BIN1: variants seen among roughly 807,000 people sequenced by gnomAD.
BIN1 encodes myc box-dependent-interacting protein 1.
Under a neutral mutation model 82.0 loss-of-function variants are expected in BIN1, and 53 were observed. That is an observed-to-expected ratio of 0.65 (90% CI 0.52 to 0.81). The LOEUF is 0.81. Among genes scored for constraint, BIN1 ranks in the 40% least tolerant of loss-of-function variants. The probability of loss-of-function intolerance (pLI) is 0.00; values close to 1 mark genes in which losing one functional copy is unlikely to be tolerated. For synonymous variants in BIN1, 302 were observed against 328.0 expected, an observed-to-expected ratio of 0.92 and a Z score of 0.86; for missense variants, 642 against 784.4, an observed-to-expected ratio of 0.82 and a Z score of 2.17.
At chr2:127,069,442 C>A (rs1685574826) in intron 5 of BIN1, among the ~76,000 whole-genome samples, 1 of 152,170 alleles carries the variant, frequency 6.6e-6, no homozygotes, top group Non-Finnish European at 1.5e-5. Flanking sequence ...ACCCAATGGT[C>A]AACCCAGGCT....
At position 127,059,150 on chromosome 2, in the gene BIN1, T is replaced by C. The variant is rs2104954121; in HGVS notation, c.863A>G (p.Asn288Ser). Reference protein sequence around the residue: ...TFTVKAQPSDNAPAKGNKSPS... With the variant: ...TFTVKAQPSDSAPAKGNKSPS... Reference sequence around the variant, plus strand: ...GCTCTTGTTCCCTTTTGCAGGCGCGTTGTCACTGTGGGGGAGGACAAGAAA... The same window carrying C: ...GCTCTTGTTCCCTTTTGCAGGCGCGCTGTCACTGTGGGGGAGGACAAGAAA... The change falls in exon 11 of 19, where the codon AAC (asparagine) becomes AGC (serine). Residue 288 changes from asparagine (N) to serine (S), a missense_variant. Coordinates refer to ENST00000316724, the MANE Select transcript of BIN1 (RefSeq NM_139343.3). The surrounding 1 kb of genome is among the most constrained non-coding windows in gnomAD (Gnocchi z 6.7). The C allele has an allele frequency of 1.3e-6, 2 of 1,576,072 alleles. No individual in the cohort carries two copies. The highest frequency in any genetic ancestry group is 1.7e-6 in the Non-Finnish European group (2 of 1,161,520).
chr2:127,063,793 G>A (rs1684807265), intron 8 of BIN1, 140 bp downstream of exon 8: 1 of 1,399,772 alleles, frequency 7.1e-7, no homozygotes, highest in African/African-American at 1.4e-5. Flanking sequence ...GCTGGACACT[G>A]CAGCACACAG....
intron 1 of BIN1, among the ~76,000 whole-genome samples, chr2:127,078,001 A>G (rs901596199): frequency 6.6e-6 from 1 of 152,256 alleles, no homozygotes; most frequent in Non-Finnish European, 1.5e-5. Context: ...TGCTGAGGCC[A>G]GTAGGTCTGC....
In BIN1 at chr2:127,093,984, C is replaced by A. The variant is rs1447123622; in HGVS notation, c.84+12876G>T. Among the ~76,000 whole-genome samples, 1 of 152,172 alleles carries A rather than the reference C, an allele frequency of 6.6e-6. No homozygotes were observed. The highest frequency in any genetic ancestry group is 1.5e-5 in the Non-Finnish European group (1 of 68,026). On this transcript the variant is annotated intron_variant, in intron 1 of 18. Transcript: ENST00000316724. This position sits in a 1 kb window ranked among gnomAD's most constrained non-coding sequence, Gnocchi z 5.7. ...CGGAGGGCATGGGTGCAGCTAGACA[C>A]CCCCCACTGGCCTAAGGCCCTGCTC...
chr2:127,092,183 A>AG (rs1679023723), intron 1 of BIN1, among the ~76,000 whole-genome samples: 1 of 152,058 alleles, frequency 6.6e-6, no homozygotes, highest in Admixed American at 6.5e-5. Context: ...AGGGGAGCAG[A>AG]GGGGCTCCGG....
At position 127,059,031 on chromosome 2, in the gene BIN1, G is replaced by A; in HGVS notation, c.982C>T (p.Leu328Phe). 1 of 1,561,192 alleles carries A rather than the reference G, an allele frequency of 6.4e-7. No individual in the cohort carries two copies. Among genetic ancestry groups the A allele is most frequent in the Middle Eastern group, 1.7e-4 (1 of 5,970 alleles). ...CCTACCTGAGATGGGGACTTGGGGA[G>A]GGTGGCCCCGGGCGTGGCCCCGCCG... ...PAGGATPGAT[L>F]PKSPSQLRKG... The change falls in exon 11 of 19, where the codon CTC (leucine) becomes TTC (phenylalanine). Residue 328 changes from leucine to phenylalanine, a missense_variant. By Grantham distance (22) the Leu-to-Phe change is conservative. Coordinates refer to ENST00000316724, the MANE Select transcript of BIN1 (RefSeq NM_139343.3). The surrounding 1 kb of genome is among the most constrained non-coding windows in gnomAD (Gnocchi z 6.7).
Position 127,057,995 on chromosome 2 carries a change from C to G in BIN1, c.1003-394G>C, listed in dbSNP as rs771903574. ...AAGCAAACAGTCGTTGAGAGACAGC[C>G]GGGCCCCAGCCTCCCCCTGCCCACC... On this transcript the variant is annotated intron_variant, in intron 11 of 18. Transcript: ENST00000316724. This position sits in a 1 kb window ranked among gnomAD's most constrained non-coding sequence, Gnocchi z 5.0. Among the ~76,000 whole-genome samples, 5 of 152,150 alleles carry G rather than the reference C, an allele frequency of 3.3e-5. No individual in the cohort carries two copies. The highest frequency in any genetic ancestry group is 1.2e-4 in the African/African-American group (5 of 41,434).
intron 7 of BIN1, among the ~76,000 whole-genome samples, chr2:127,064,323 C>T (rs1366090188): frequency 2.0e-5 from 3 of 152,174 alleles, no homozygotes; most frequent in South Asian, 2.1e-4. Flanking sequence ...TGGGGCTTGG[C>T]GAGCTGGACA....
chr2:127,062,071 G>A (rs768299577), intron 10 of BIN1, 44 bp downstream of exon 10: 6 of 1,559,394 alleles, frequency 3.8e-6, no homozygotes, highest in Middle Eastern at 1.7e-4. Context: ...CCCTGCCCCT[G>A]CCGTGCACAC....
chr2:127,100,965 AAT>A (rs1680237016), intron 1 of BIN1, among the ~76,000 whole-genome samples: 1 of 138,292 alleles, frequency 7.2e-6, no homozygotes, highest in African/African-American at 2.8e-5. Context: ...GGATTCCAAG[AAT>A]TCAGTGAGAC....
At chr2:127,086,031 C>G (rs975823916) in intron 1 of BIN1, among the ~76,000 whole-genome samples, 53 of 152,324 alleles carry the variant, frequency 3.5e-4, no homozygotes, top group African/African-American at 1.2e-3. Flanking sequence ...CAGTGCAAAG[C>G]ATGACCACCA....
intron 1 of BIN1, among the ~76,000 whole-genome samples, chr2:127,105,806 C>T (rs2105370756): frequency 6.6e-6 from 1 of 152,324 alleles, no homozygotes; most frequent in South Asian, 2.1e-4. Context: ...GGCCGCGCAG[C>T]GGGTGGGAGA....
chr2:127,070,115 T>C (rs1233607996), intron 4 of BIN1, 25 bp from the exon 5 acceptor site: 1 of 1,607,600 alleles, frequency 6.2e-7, no homozygotes, highest in Non-Finnish European at 8.5e-7. Flanking sequence ...AGCACGACAG[T>C]GCCACCAGGA....
chr2:127,049,489 G>A (rs962551688), intron 18 of BIN1, among the ~76,000 whole-genome samples: 15 of 152,200 alleles, frequency 9.9e-5, no homozygotes, highest in African/African-American at 2.7e-4. Flanking sequence ...CCCCAGTAGG[G>A]TCGGCCTCAT....
intron 1 of BIN1, among the ~76,000 whole-genome samples, chr2:127,089,918 C>T (rs576774280): frequency 6.6e-6 from 1 of 151,830 alleles, no homozygotes; most frequent in East Asian, 1.9e-4. Context: ...ACTGGATTCC[C>T]CCCTGCTCCC....
intron 17 of BIN1, 78 bp downstream of exon 17, chr2:127,050,722 CAG>C (rs1206789842): frequency 1.1e-5 from 17 of 1,519,216 alleles, no homozygotes; most frequent in Admixed American, 8.4e-5. Flanking sequence ...GGGCAAACCA[CAG>C]AGTCTCCTGA....
chr2:127,062,254 CT>C, intron 9 of BIN1, 57 bp from the exon 10 acceptor site: 2 of 1,502,340 alleles, frequency 1.3e-6, no homozygotes, highest in Non-Finnish European at 9.1e-7. Flanking sequence ...ACGGCCCCAC[CT>C]TCCCCAAACA....
chr2:127,092,104 A>T (rs1410981066), intron 1 of BIN1, among the ~76,000 whole-genome samples: 1 of 144,858 alleles, frequency 6.9e-6, no homozygotes, highest in Non-Finnish European at 1.5e-5. Flanking sequence ...CCTCCACCAC[A>T]CCCCTACACC....
intron 18 of BIN1, 73 bp downstream of exon 18, chr2:127,050,348 G>T: frequency 6.4e-7 from 1 of 1,554,004 alleles, no homozygotes; most frequent in Non-Finnish European, 8.9e-7. Flanking sequence ...GCCTGTCTCC[G>T]CCACGGCGGT....
Sources: gnomAD v4.1 joint callset for allele counts (sites outside exome capture counted in the v4.1 genomes callset) on GRCh38, gnomAD v4.1.1 for gene constraint, Gnocchi (gnomAD v3.1) non-coding constraint, MANE v1.5 for transcripts, NCBI Gene and HGNC (gene_info 2026-07-23, HGNC 2026-07-21) for gene names.